The following LRRD1 variants were observed in gnomAD, a reference collection of about 807,000 sequenced individuals.
The protein encoded by LRRD1 is leucine rich repeats and death domain containing 1.
LRRD1 carries 49 observed loss-of-function variants against 69.5 expected under a neutral mutation model. The ratio of observed to expected loss-of-function variants is 0.70; its 90% confidence interval spans 0.56 to 0.89. The LOEUF is 0.89. Ranked by LOEUF, LRRD1 falls within the 40% of genes least tolerant of loss-of-function variation. The probability of loss-of-function intolerance (pLI) is 0.00; values close to 1 mark genes in which losing one functional copy is unlikely to be tolerated. For synonymous variants in LRRD1, 303 were observed against 338.9 expected (o/e 0.89, Z 1.16); for missense variants, 853 against 956.0 (o/e 0.89, Z 1.42).
At chr7:92,153,797 GGAT>G (rs1788583136) in intron 3 of LRRD1, among the ~76,000 whole-genome samples, 1 of 151,542 alleles carries the variant, frequency 6.6e-6, no homozygotes, top group South Asian at 2.1e-4. Context: ...ACTCCAGGCT[GGAT>G]GACACAGCAA....
intron 4 of LRRD1, among the ~76,000 whole-genome samples, chr7:92,149,210 T>G (rs1426866037): frequency 1.3e-5 from 2 of 152,224 alleles, no homozygotes; most frequent in Non-Finnish European, 2.9e-5. Context: ...ATGTATATTG[T>G]GACTTTAAAG....
rs781110436 is a variant in LRRD1, at chr7:92,164,617, G to T, written c.586C>A (p.Gln196Lys). ...GGAAGTGATGATAATCCATTTTCTT[G>T]CAGGGATAGAATTTCAAGTCCTAAC... Reference protein sequence around the residue: ...DLLGLEILSLQENGLSSLPSE... With the variant: ...DLLGLEILSLKENGLSSLPSE... Residue 196 changes from glutamine to lysine, a missense_variant, in exon 2 of 6, where the codon CAA becomes AAA. Physicochemically the swap from Gln to Lys is moderately conservative, Grantham distance 53. Coordinates refer to ENST00000458448, the MANE Select transcript of LRRD1 (RefSeq NM_001161528.2). 2 of 1,551,590 alleles carry T rather than the reference G, an allele frequency of 1.3e-6. No homozygotes were observed. The highest frequency in any genetic ancestry group is 1.4e-5 in the African/African-American group (1 of 73,042).
chr7:92,162,232 G>T (rs546995169), intron 2 of LRRD1, among the ~76,000 whole-genome samples: 80 of 152,280 alleles, frequency 5.3e-4, no homozygotes, highest in Non-Finnish European at 8.4e-4. Context: ...AAATAAGTTT[G>T]GGAAATATGG....
In LRRD1 at chr7:92,163,508, A is replaced by C. The variant is rs1218689003; in HGVS notation, c.1695T>G (p.Cys565Trp). ...MISLHVLILCCNKFETFPREL... is the reference protein window; with the variant it reads ...MISLHVLILCWNKFETFPREL... Reference sequence around the variant, plus strand: ...CTCTAGGGAAAGTTTCAAATTTATTACAGCATAAAATAAGTACGTGGAGTG... The same window carrying C: ...CTCTAGGGAAAGTTTCAAATTTATTCCAGCATAAAATAAGTACGTGGAGTG... The change falls in exon 2 of 6, where the codon TGT becomes TGG. Residue 565 changes from cysteine to tryptophan, a missense_variant. Transcript: ENST00000458448. 7 of 1,525,026 alleles carry C rather than the reference A, an allele frequency of 4.6e-6. No individual in the cohort carries two copies. The highest frequency in any genetic ancestry group is 6.2e-6 in the Non-Finnish European group (7 of 1,137,024). 94.5% of individuals were successfully genotyped at this position (1,525,026 alleles called of 1,614,324 possible). A position where few individuals can be genotyped will look rare whatever the true frequency, so the allele number is the denominator to read the frequency against.
chr7:92,142,245 A>C (rs893940569), downstream of LRRD1: 2 of 333,546 alleles, frequency 6.0e-6, no homozygotes, highest in Non-Finnish European at 1.2e-5. Flanking sequence ...CCCGGGCTCC[A>C]CAATATTCTT....
chr7:92,152,531 A>C lies in LRRD1; in HGVS notation c.2117-1836T>G, dbSNP rs575913670. 8.5e-5 allele frequency among the ~76,000 whole-genome samples: 13 copies of C among 152,302 alleles called. No homozygotes were observed. In the South Asian group the frequency reaches 2.5e-3, roughly 29 times the overall value. On this transcript the variant is annotated intron_variant, in intron 3 of 5. Transcript: ENST00000458448. ...AGTGAGATTGATGGTTTGTATGGTT[A>C]AGTGTATGTACAACTATATAAGAAA...
intron 1 of LRRD1, among the ~76,000 whole-genome samples, chr7:92,169,602 G>A (rs34040612): frequency 6.6e-6 from 1 of 151,574 alleles, no homozygotes; most frequent in Non-Finnish European, 1.5e-5. Context: ...GTGAGCTGAG[G>A]TTACACCACT....
At chr7:92,160,778 C>T (rs1788779451) in intron 2 of LRRD1, among the ~76,000 whole-genome samples, 2 of 152,070 alleles carry the variant, frequency 1.3e-5, no homozygotes. Flanking sequence ...GCACCACTGT[C>T]CTCCAGCCTG....
At chr7:92,177,288 G>C (rs1789218871) in intron 1 of LRRD1, among the ~76,000 whole-genome samples, 1 of 151,810 alleles carries the variant, frequency 6.6e-6, no homozygotes. Context: ...ATCATAGAAT[G>C]AGCTGGGAAG....
intron 3 of LRRD1, among the ~76,000 whole-genome samples, chr7:92,155,895 G>A (rs1788644333): frequency 6.6e-6 from 1 of 152,212 alleles, no homozygotes; most frequent in Admixed American, 6.5e-5. Context: ...ATAGATGGAG[G>A]CCAGAAGACA....
At position 92,165,008 on chromosome 7, in the gene LRRD1, T is replaced by A. The variant is rs996049309; in HGVS notation, c.195A>T (p.Leu65Phe). Reference sequence around the variant, plus strand: ...TCCTTCCAGAGGAAGATGTTGACTCTAATGTATTCTGTCTAGGATGTGTTT... The same window carrying A: ...TCCTTCCAGAGGAAGATGTTGACTCAAATGTATTCTGTCTAGGATGTGTTT... ...IYETHPRQNT[L>F]ESTSSSGRKS... The change falls in exon 2 of 6, where the codon TTA becomes TTT. Residue 65 changes from leucine (L) to phenylalanine (F), a missense_variant. Leu to Phe is a conservative substitution (Grantham distance 22). Coordinates refer to ENST00000458448, the MANE Select transcript of LRRD1 (RefSeq NM_001161528.2). The A allele has an allele frequency of 8.4e-6, 13 of 1,551,244 alleles. No homozygotes were observed. In the Admixed American group the frequency reaches 2.2e-4, roughly 26 times the overall value.
chr7:92,169,665 G>T (rs1235188790), intron 1 of LRRD1, among the ~76,000 whole-genome samples: 1 of 151,820 alleles, frequency 6.6e-6, no homozygotes, highest in African/African-American at 2.4e-5. Context: ...AAGAAATTTT[G>T]GAACTGAGAA....
At position 92,164,468 on chromosome 7, in the gene LRRD1, G is replaced by C. The variant is rs946966972; in HGVS notation, c.735C>G (p.Tyr245Ter). ...NIRQLFFYNN[Y>*]IENFPSDLEC... is the part of the protein sequence containing the mutation. ...CTAAGTCAGAAGGAAAATTTTCAAT[G>C]TAATTGTTATAAAAAAAGAGTTGTC... Residue 245 changes from tyrosine (Y) to a stop codon, truncating the protein, a stop_gained, in exon 2 of 6, where the codon TAC becomes TAG. Coordinates refer to ENST00000458448, the MANE Select transcript of LRRD1 (RefSeq NM_001161528.2). LOFTEE classifies it high-confidence loss of function. The C allele has an allele frequency of 6.5e-7, 1 of 1,549,724 alleles. No homozygotes were observed. Among genetic ancestry groups the C allele is most frequent in the African/African-American group, 1.4e-5 (1 of 72,900 alleles).
chr7:92,162,377 T>G (rs942517905), intron 2 of LRRD1, among the ~76,000 whole-genome samples: 1 of 152,238 alleles, frequency 6.6e-6, no homozygotes, highest in Admixed American at 6.5e-5. Flanking sequence ...CCTCCCTTTT[T>G]TTTTGAGCAG....
At chr7:92,148,669 G>A (rs1035684210) in intron 4 of LRRD1, among the ~76,000 whole-genome samples, 1 of 151,960 alleles carries the variant, frequency 6.6e-6, no homozygotes, top group Non-Finnish European at 1.5e-5. Flanking sequence ...CTTCTCTAAA[G>A]TACTGTATCT....
At chr7:92,170,622 C>T (rs548238494) in intron 1 of LRRD1, among the ~76,000 whole-genome samples, 13 of 152,184 alleles carry the variant, frequency 8.5e-5, no homozygotes, top group Non-Finnish European at 1.8e-4. Context: ...ACCACACTCT[C>T]AATAATCAAT....
chr7:92,150,510 G>A, intron 4 of LRRD1, 24 bp downstream of exon 4: 5 of 1,463,470 alleles, frequency 3.4e-6, no homozygotes, highest in Non-Finnish European at 3.6e-6. Context: ...TGACTTGTTA[G>A]ATAGTCAATC....
intron 2 of LRRD1, among the ~76,000 whole-genome samples, chr7:92,161,418 T>C (rs750398937): frequency 4.6e-5 from 7 of 152,248 alleles, no homozygotes; most frequent in African/African-American, 1.7e-4. Context: ...TCACTTTGAG[T>C]AGACAACAGA....
chr7:92,152,369 T>C (rs1425239294), intron 3 of LRRD1, among the ~76,000 whole-genome samples: 4 of 152,078 alleles, frequency 2.6e-5, no homozygotes, highest in Non-Finnish European at 5.9e-5. Flanking sequence ...TATATAGATG[T>C]AAATAATTTA....
Sources: gnomAD v4.1 joint callset for allele counts (sites outside exome capture counted in the v4.1 genomes callset) on GRCh38, gnomAD v4.1.1 for gene constraint, MANE v1.5 for transcripts, NCBI Gene and HGNC (gene_info 2026-07-23, HGNC 2026-07-21) for gene names.